NELL1: variants seen among roughly 807,000 people sequenced by gnomAD.
The protein encoded by NELL1 is neural EGFL like 1.
In NELL1, 76 loss-of-function variants were observed where a neutral mutation model predicts 107.4. The observed-to-expected ratio is 0.71, with a 90% CI of 0.59 to 0.86. The LOEUF is 0.86. NELL1 is among the 40% of genes least tolerant of loss of function. NELL1 has a pLI of 0.00. For synonymous variants in NELL1, 353 were observed against 341.2 expected (o/e 1.03, Z -0.38); for missense variants, 1,024 against 1,005.5 (o/e 1.02, Z -0.25).
At chr11:20,700,139 AAAAC>A (rs903377898) in intron 2 of NELL1, among the ~76,000 whole-genome samples, 48 of 152,078 alleles carry the variant, frequency 3.2e-4, no homozygotes, top group African/African-American at 9.7e-4. Context: ...AACAAAAACA[AAAAC>A]AAAACAGAGC....
rs529965216 is a variant in NELL1, at chr11:21,278,488, G to C, written c.1549+49034G>C. 2.0e-5 allele frequency among the ~76,000 whole-genome samples: 3 copies of C among 152,186 alleles called. No homozygotes were observed. In the South Asian group the frequency reaches 6.2e-4, roughly 32 times the overall value. ...TGTACAAAAGTCGATAGTTTTTTCT[G>C]TATACTGGCAATGAACAAGTGAAAT... On this transcript the variant is annotated intron_variant, in intron 14 of 19. Transcript: ENST00000357134.
At chr11:20,902,752 G>A (rs879289906) in intron 5 of NELL1, among the ~76,000 whole-genome samples, 5 of 151,880 alleles carry the variant, frequency 3.3e-5, no homozygotes, top group Non-Finnish European at 4.4e-5. Flanking sequence ...GTTTAAATAC[G>A]TTGTAGTAGA....
intron 14 of NELL1, among the ~76,000 whole-genome samples, chr11:21,251,749 A>C (rs1344772589): frequency 2.0e-5 from 3 of 152,070 alleles, no homozygotes; most frequent in Non-Finnish European, 4.4e-5. Flanking sequence ...TGGCAATGAC[A>C]TGAGGAGGTT....
At chr11:21,224,089 T>C (rs1857830654) in intron 13 of NELL1, among the ~76,000 whole-genome samples, 1 of 152,206 alleles carries the variant, frequency 6.6e-6, no homozygotes, top group African/African-American at 2.4e-5. Context: ...GTTTTTAGCA[T>C]TCCGTCTTTA....
intron 13 of NELL1, among the ~76,000 whole-genome samples, chr11:21,158,863 T>A (rs1320315091): frequency 6.6e-6 from 1 of 152,174 alleles, no homozygotes; most frequent in Non-Finnish European, 1.5e-5. Flanking sequence ...AAGCTTAGTT[T>A]TTTATATATT....
intron 12 of NELL1, among the ~76,000 whole-genome samples, chr11:21,024,511 A>C (rs1360575092): frequency 2.0e-5 from 3 of 152,116 alleles, no homozygotes; most frequent in Non-Finnish European, 4.4e-5. Context: ...AACTTCTTCT[A>C]TCAAGCGGGA....
intron 12 of NELL1, among the ~76,000 whole-genome samples, chr11:21,069,404 A>G (rs969870341): frequency 2.6e-5 from 4 of 152,232 alleles, no homozygotes; most frequent in East Asian, 1.9e-4. Flanking sequence ...GAGAGCTTCT[A>G]TAAGTTGTCA....
At chr11:21,478,279 A>G (rs1457835709) in intron 15 of NELL1, among the ~76,000 whole-genome samples, 6 of 152,150 alleles carry the variant, frequency 3.9e-5, no homozygotes, top group Admixed American at 3.9e-4. Flanking sequence ...CTCCCTCGAC[A>G]CATGGGGATT....
chr11:21,123,863 G>A (rs1350190623), intron 13 of NELL1, among the ~76,000 whole-genome samples: 4 of 152,146 alleles, frequency 2.6e-5, no homozygotes, highest in African/African-American at 4.8e-5. Context: ...GGAACATAAT[G>A]CATATTAAAA....
At chr11:20,722,552 A>G (rs1054151501) in intron 2 of NELL1, among the ~76,000 whole-genome samples, 1 of 152,230 alleles carries the variant, frequency 6.6e-6, no homozygotes, top group East Asian at 1.9e-4. Flanking sequence ...TAAATCCTCA[A>G]TAAATGGTAA....
intron 13 of NELL1, chr11:21,170,207 C>T (rs746109267): frequency 2.0e-5 from 10 of 500,654 alleles, no homozygotes; most frequent in Non-Finnish European, 3.2e-5. Context: ...ACTCATCTGT[C>T]GAACGTGTTG....
chr11:21,340,930 C>T (rs1201006509), intron 14 of NELL1, among the ~76,000 whole-genome samples: 6 of 152,104 alleles, frequency 3.9e-5, no homozygotes, highest in South Asian at 2.1e-4. Flanking sequence ...AGTAAATCAA[C>T]GTACCTATTT....
At chr11:21,157,833 A>G (rs188630108) in intron 13 of NELL1, among the ~76,000 whole-genome samples, 2 of 152,350 alleles carry the variant, frequency 1.3e-5, no homozygotes, top group African/African-American at 2.4e-5. Context: ...ACCATACAGC[A>G]TAGTTGTAAA....
At chr11:21,515,286 A>C (rs1467647751) in intron 15 of NELL1, among the ~76,000 whole-genome samples, 1 of 152,126 alleles carries the variant, frequency 6.6e-6, no homozygotes, top group Admixed American at 6.5e-5. Context: ...ATAGGAGGGG[A>C]CAGATGGGAG....
intron 16 of NELL1, among the ~76,000 whole-genome samples, chr11:21,537,682 T>C (rs890908273): frequency 6.6e-6 from 1 of 152,154 alleles, no homozygotes; most frequent in Non-Finnish European, 1.5e-5. Context: ...CTTTTACTAC[T>C]GTACTCGCAG....
At position 20,750,415 on chromosome 11, in the gene NELL1, A is replaced by G. The variant is rs750382503; in HGVS notation, c.185-33265A>G. 3.2e-4 allele frequency among the ~76,000 whole-genome samples: 48 copies of G among 151,998 alleles called. 1 individual carries two copies. Among genetic ancestry groups the G allele is most frequent in the Non-Finnish European group, 7.4e-5 (5 of 68,020 alleles). ...GGTATTTCTCATGAACAGAAATGTT[A>G]AATTTTGATGAAGCCCAGTATATAT... On this transcript the variant is annotated intron_variant, in intron 2 of 19. Transcript: ENST00000357134.
At chr11:21,467,454 G>A (rs996564549) in intron 15 of NELL1, among the ~76,000 whole-genome samples, 38 of 151,982 alleles carry the variant, frequency 2.5e-4, no homozygotes, top group African/African-American at 8.9e-4. Context: ...ACATGGAAGT[G>A]CATATTTATG....
intron 4 of NELL1, among the ~76,000 whole-genome samples, chr11:20,863,385 G>A (rs1403612457): frequency 2.5e-4 from 18 of 71,346 alleles, no homozygotes; most frequent in South Asian, 1.2e-3. Flanking sequence ...CCTCCCTCCT[G>A]GACGGGGTGG....
chr11:21,266,283 G>A (rs1158102980), intron 14 of NELL1, among the ~76,000 whole-genome samples: 1 of 151,802 alleles, frequency 6.6e-6, no homozygotes, highest in African/African-American at 2.4e-5. Flanking sequence ...ACATTAAAAT[G>A]TTCACTTGTG....
Sources: allele counts gnomAD v4.1 joint callset (sites outside exome capture counted in the v4.1 genomes callset), GRCh38; gene constraint gnomAD v4.1.1; transcripts MANE v1.5; gene names NCBI Gene and HGNC (gene_info 2026-07-23, HGNC 2026-07-21).